SLC44A1: variants seen among roughly 807,000 people sequenced by gnomAD.
The protein encoded by SLC44A1 is choline transporter-like protein 1.
In SLC44A1, 26 loss-of-function variants were observed where a neutral mutation model predicts 79.3. The ratio of observed to expected loss-of-function variants is 0.33; its 90% CI spans 0.24 to 0.46. The LOEUF is 0.46. Among genes scored for constraint, SLC44A1 ranks in the 20% least tolerant of loss-of-function variants. The pLI is 1.00. For missense variants in SLC44A1, 688 were observed against 798.1 expected, an observed-to-expected ratio of 0.86 and a Z score of 1.66; for synonymous variants, 263 against 286.2, an observed-to-expected ratio of 0.92 and a Z score of 0.82.
intron 5 of SLC44A1, among the ~76,000 whole-genome samples, chr9:105,354,077 GTC>G (rs1410211694): frequency 9.3e-6 from 1 of 107,608 alleles, no homozygotes; most frequent in Non-Finnish European, 1.6e-5. Context: ...TTGAGACGGA[GTC>G]TCTCTCTGTC....
At chr9:105,355,750 A>G (rs947935000) in intron 5 of SLC44A1, among the ~76,000 whole-genome samples, 1 of 152,198 alleles carries the variant, frequency 6.6e-6, no homozygotes, top group Admixed American at 6.5e-5. Flanking sequence ...CATTCTATTA[A>G]TGGTGGCATA....
In SLC44A1 at chr9:105,392,716, C is replaced by G. The variant is rs1828793996; in HGVS notation, c.*3660C>G. Reference sequence around the variant, plus strand: ...TTCCACCATGCACTATTACTAGCTACTAACAGCCATTTTAAGAGATCTCCT... The same window carrying G: ...TTCCACCATGCACTATTACTAGCTAGTAACAGCCATTTTAAGAGATCTCCT... On this transcript the variant is annotated 3_prime_UTR_variant, in exon 16 of 16. Coordinates refer to ENST00000374720, the MANE Select transcript of SLC44A1 (RefSeq NM_080546.5). 3 of 985,418 alleles carry G rather than the reference C, an allele frequency of 3.0e-6. No homozygotes were observed. Among genetic ancestry groups the G allele is most frequent in the Non-Finnish European group, 3.6e-6 (3 of 829,928 alleles). 61.0% of individuals were successfully genotyped at this position (985,418 alleles called of 1,614,324 possible).
intron 3 of SLC44A1, among the ~76,000 whole-genome samples, chr9:105,322,371 C>T (rs1826420495): frequency 6.6e-6 from 1 of 152,094 alleles, no homozygotes; most frequent in African/African-American, 2.4e-5. Flanking sequence ...GCTAAGTTTT[C>T]AAAAGAAGCC....
rs187476641 is a variant in SLC44A1, at chr9:105,393,156, G to A, written c.*4100G>A. The A allele has an allele frequency of 1.7e-4, 167 of 985,448 alleles. No individual in the cohort carries two copies. The African/African-American group carries it at 2.5e-3, about 15-fold the overall frequency. 61.0% of individuals were successfully genotyped at this position (985,448 alleles called of 1,614,324 possible). A position where few individuals can be genotyped will look rare whatever the true frequency, so the allele number is the denominator to read the frequency against. ...GTGGGTTCATAAGTAAAAGCGTAAC[G>A]CAGATATTTGTGTATTCTGTATTCA... On this transcript the variant is annotated 3_prime_UTR_variant, in exon 16 of 16. Coordinates refer to ENST00000374720, the MANE Select transcript of SLC44A1 (RefSeq NM_080546.5).
chr9:105,371,089 G>A (rs1442152338), intron 12 of SLC44A1, among the ~76,000 whole-genome samples: 1 of 152,170 alleles, frequency 6.6e-6, no homozygotes. Context: ...CAATTAAATT[G>A]TTGAACTGAA....
chr9:105,316,184 C>G (rs1042529966), intron 3 of SLC44A1, among the ~76,000 whole-genome samples: 1 of 151,854 alleles, frequency 6.6e-6, no homozygotes, highest in African/African-American at 2.4e-5. Context: ...ACAATAAAAT[C>G]ATCATACAAT....
chr9:105,304,200 C>CCA (rs1413192594), intron 2 of SLC44A1, among the ~76,000 whole-genome samples: 1 of 152,076 alleles, frequency 6.6e-6, no homozygotes. Context: ...TGATTTACTT[C>CCA]CCAGGGCATG....
At chr9:105,365,793 C>T (rs1827922533) in intron 11 of SLC44A1, among the ~76,000 whole-genome samples, 154 bp downstream of exon 11, 1 of 152,202 alleles carries the variant, frequency 6.6e-6, no homozygotes, top group African/African-American at 2.4e-5. Flanking sequence ...GTCTCCCACT[C>T]ATGCACTCCA....
At chr9:105,338,996 G>A (rs1827008084) in intron 4 of SLC44A1, among the ~76,000 whole-genome samples, 1 of 152,152 alleles carries the variant, frequency 6.6e-6, no homozygotes, top group South Asian at 2.1e-4. Context: ...ACTCTTAGAA[G>A]AAAATGTAGC....
At chr9:105,369,852 A>G (rs1484107825) in intron 12 of SLC44A1, among the ~76,000 whole-genome samples, 2 of 152,174 alleles carry the variant, frequency 1.3e-5, no homozygotes, top group African/African-American at 4.8e-5. Context: ...GCCCTAACAT[A>G]TTTTCTTTCA....
chr9:105,371,463 C>T (rs989386198), intron 12 of SLC44A1, among the ~76,000 whole-genome samples: 2 of 151,208 alleles, frequency 1.3e-5, no homozygotes, highest in East Asian at 2.0e-4. Context: ...TGCGGTGGCT[C>T]ACGCCTGTAA....
intron 1 of SLC44A1, among the ~76,000 whole-genome samples, chr9:105,295,858 C>G (rs950495226): frequency 6.6e-6 from 1 of 152,024 alleles, no homozygotes; most frequent in Non-Finnish European, 1.5e-5. Flanking sequence ...GAAATAGAGA[C>G]GATACCTACA....
At chr9:105,437,711 C>T (rs1829481999) in intron 15 of SLC44A1, among the ~76,000 whole-genome samples, 1 of 152,150 alleles carries the variant, frequency 6.6e-6, no homozygotes, top group Non-Finnish European at 1.5e-5. Flanking sequence ...CACCCATTAT[C>T]CTGGTCTGAT....
At chr9:105,305,697 A>G (rs1831009952) in intron 2 of SLC44A1, among the ~76,000 whole-genome samples, 1 of 152,004 alleles carries the variant, frequency 6.6e-6, no homozygotes. Context: ...ATTTTGCCAT[A>G]CTCATACACC....
intron 15 of SLC44A1, among the ~76,000 whole-genome samples, chr9:105,411,481 T>C (rs535731109): frequency 2.1e-3 from 296 of 137,770 alleles, no homozygotes; most frequent in African/African-American, 8.9e-3. Flanking sequence ...TGTGTGTGTG[T>C]GCGTGTGCAT....
chr9:105,249,607 C>T (rs1366629779), intron 1 of SLC44A1, among the ~76,000 whole-genome samples: 4 of 151,564 alleles, frequency 2.6e-5, no homozygotes, highest in African/African-American at 4.9e-5. Flanking sequence ...TCACTGCAAC[C>T]TCTGCCTCCC....
At chr9:105,296,355 C>T (rs327990) in intron 1 of SLC44A1, among the ~76,000 whole-genome samples, 3 of 152,154 alleles carry the variant, frequency 2.0e-5, no homozygotes, top group East Asian at 1.9e-4. Context: ...TTAGCACAGA[C>T]GTGACCCACA....
rs533138969 is a variant in SLC44A1, at chr9:105,389,508, C to G, written c.*452C>G. ...GATCTTATTTTACTGATGCATAAGTCCTAGTGGGTCAAGACTAGGCATATG... is the reference window on the plus strand; with the variant it reads ...GATCTTATTTTACTGATGCATAAGTGCTAGTGGGTCAAGACTAGGCATATG... On this transcript the variant is annotated 3_prime_UTR_variant, in exon 16 of 16. Coordinates refer to ENST00000374720, the MANE Select transcript of SLC44A1 (RefSeq NM_080546.5). 20 of 1,051,738 alleles carry G rather than the reference C, an allele frequency of 1.9e-5. No homozygotes were observed. Among genetic ancestry groups the G allele is most frequent in the East Asian group, 7.5e-5 (1 of 13,352 alleles). The allele number at this position is 1,051,738 out of a possible 1,614,324, so 65.2% of individuals were successfully genotyped here. A position where few individuals can be genotyped will look rare whatever the true frequency, so the allele number is the denominator to read the frequency against.
Position 105,389,039 on chromosome 9 carries a change from G to A in SLC44A1, c.1957G>A (p.Gly653Arg), listed in dbSNP as rs1183678183. 1.2e-6 allele frequency: 2 copies of A among 1,612,806 alleles called. No homozygotes were observed. Among genetic ancestry groups the A allele is most frequent in the Non-Finnish European group, 1.7e-6 (2 of 1,179,022 alleles). Residue 653 changes from glycine (G) to arginine (R), a missense_variant, in exon 16 of 16, where the codon GGA becomes AGA. Gly to Arg is a moderately radical substitution (Grantham distance 125). Transcript: ENST00000374720. ...DSRELKPMAS[G>R]ASSA ...GTATGACTTTGTTTTCTAGGCTTCG[G>A]GAGCAAGTTCTGCTTGAACCTAGCC...
Sources: gnomAD v4.1 joint callset for allele counts (sites outside exome capture counted in the v4.1 genomes callset) on GRCh38, gnomAD v4.1.1 for gene constraint, MANE v1.5 for transcripts, NCBI Gene and HGNC (gene_info 2026-07-23, HGNC 2026-07-21) for gene names.